ZNF385D: variants seen among roughly 807,000 people sequenced by gnomAD.
ZNF385D encodes the protein zinc finger protein 385D.
In ZNF385D, 15 loss-of-function variants were observed where a neutral mutation model predicts 35.8. The observed-to-expected ratio is 0.42, with a 90% confidence interval of 0.28 to 0.64. The LOEUF is 0.64. Ranked by LOEUF, ZNF385D falls within the 30% of genes least tolerant of loss-of-function variation. The probability of loss-of-function intolerance (pLI) is 0.23; values close to 1 mark genes in which losing one functional copy is unlikely to be tolerated. For synonymous variants in ZNF385D, 212 were observed against 186.8 expected (o/e 1.13, Z -1.10); for missense variants, 474 against 494.6 (o/e 0.96, Z 0.39).
chr3:22,313,436 T>A (rs887159405), intron 2 of ZNF385D, among the ~76,000 whole-genome samples: 3 of 152,040 alleles, frequency 2.0e-5, no homozygotes, highest in South Asian at 2.1e-4. Flanking sequence ...ATAACATTTT[T>A]AAAAAAATAC....
chr3:22,141,061 TAA>T (rs913766359), intron 3 of ZNF385D, among the ~76,000 whole-genome samples: 2 of 152,210 alleles, frequency 1.3e-5, no homozygotes, highest in African/African-American at 4.8e-5. Context: ...TCTCAGAGAT[TAA>T]GAGATTTACT....
chr3:21,794,753 C>A (rs374178511), intron 3 of ZNF385D, among the ~76,000 whole-genome samples: 2 of 152,088 alleles, frequency 1.3e-5, no homozygotes, highest in East Asian at 3.9e-4. Flanking sequence ...GCTTACACAC[C>A]AGGAGTGTAA....
At chr3:21,845,089 A>G (rs146947221) in intron 3 of ZNF385D, among the ~76,000 whole-genome samples, 19 of 152,112 alleles carry the variant, frequency 1.2e-4, no homozygotes, top group African/African-American at 4.6e-4. Flanking sequence ...CGACATTTTT[A>G]TTCAAGAGAA....
intron 3 of ZNF385D, among the ~76,000 whole-genome samples, chr3:21,946,142 C>A (rs1364756735): frequency 6.6e-6 from 1 of 152,146 alleles, no homozygotes; most frequent in South Asian, 2.1e-4. Context: ...AAATTAGGAT[C>A]TTCTCTTTTG....
chr3:21,810,529 A>T (rs1390500094), intron 3 of ZNF385D, among the ~76,000 whole-genome samples: 4 of 152,186 alleles, frequency 2.6e-5, no homozygotes, highest in East Asian at 1.9e-4. Flanking sequence ...TAATAAAAAA[A>T]CTATATATGT....
At chr3:22,215,469 T>C (rs771706181) in intron 2 of ZNF385D, among the ~76,000 whole-genome samples, 3 of 152,006 alleles carry the variant, frequency 2.0e-5, no homozygotes, top group Non-Finnish European at 2.9e-5. Context: ...CCGTCTTTTA[T>C]GGTCGAGCTG....
intron 4 of ZNF385D, among the ~76,000 whole-genome samples, chr3:21,466,320 C>T (rs1244928469): frequency 6.6e-6 from 1 of 152,192 alleles, no homozygotes; most frequent in Non-Finnish European, 1.5e-5. Flanking sequence ...CATACATCCA[C>T]TTTGCTCTAG....
chr3:22,146,415 G>T (rs573918945), intron 3 of ZNF385D, among the ~76,000 whole-genome samples: 4 of 152,176 alleles, frequency 2.6e-5, no homozygotes, highest in African/African-American at 9.6e-5. Context: ...GAATTTTTTT[G>T]TATGTTTTTG....
intron 3 of ZNF385D, among the ~76,000 whole-genome samples, chr3:21,901,457 G>A (rs553202216): frequency 2.0e-5 from 3 of 152,202 alleles, no homozygotes; most frequent in South Asian, 4.1e-4. Context: ...ATACACATTA[G>A]GCAATAATGT....
intron 3 of ZNF385D, among the ~76,000 whole-genome samples, chr3:21,837,723 T>C (rs1375486337): frequency 6.6e-6 from 1 of 151,864 alleles, no homozygotes; most frequent in Non-Finnish European, 1.5e-5. Context: ...AATATAAAAA[T>C]TAGCTGGGTG....
chr3:22,305,601 T>C (rs1428740840), intron 2 of ZNF385D, among the ~76,000 whole-genome samples: 1 of 152,122 alleles, frequency 6.6e-6, no homozygotes, highest in Non-Finnish European at 1.5e-5. Context: ...AAGAGTATGG[T>C]GAATGACCAC....
At chr3:22,129,805 A>G (rs6797769) in intron 3 of ZNF385D, among the ~76,000 whole-genome samples, 2 of 151,950 alleles carry the variant, frequency 1.3e-5, no homozygotes, top group East Asian at 2.0e-4. Context: ...TAGGAGTCTG[A>G]GTGGTGCTTT....
intron 3 of ZNF385D, among the ~76,000 whole-genome samples, chr3:22,010,200 A>C (rs1696483780): frequency 6.6e-6 from 1 of 152,218 alleles, no homozygotes; most frequent in Admixed American, 6.5e-5. Flanking sequence ...TTGGATGACG[A>C]AACAGGATGA....
At chr3:21,776,402 G>C (rs1330281498) in intron 3 of ZNF385D, among the ~76,000 whole-genome samples, 1 of 151,864 alleles carries the variant, frequency 6.6e-6, no homozygotes, top group Non-Finnish European at 1.5e-5. Context: ...CGTGTGTGAC[G>C]GCTCAGTTTT....
intron 3 of ZNF385D, among the ~76,000 whole-genome samples, chr3:22,015,655 T>C (rs761846461): frequency 3.9e-5 from 6 of 152,160 alleles, no homozygotes; most frequent in Non-Finnish European, 7.4e-5. Flanking sequence ...TGTTTGTTTC[T>C]AACAACAATG....
At chr3:21,789,757 T>A (rs185284060) in intron 3 of ZNF385D, among the ~76,000 whole-genome samples, 1 of 152,132 alleles carries the variant, frequency 6.6e-6, no homozygotes, top group South Asian at 2.1e-4. Flanking sequence ...TAAACAAAGA[T>A]GTAAAATGCT....
chr3:22,296,172 G>C (rs1324572257), intron 2 of ZNF385D, among the ~76,000 whole-genome samples: 1 of 152,118 alleles, frequency 6.6e-6, no homozygotes, highest in Non-Finnish European at 1.5e-5. Context: ...TCTGTTTCAA[G>C]TTATCTATTG....
chr3:21,752,175 G>A (rs2070134614), upstream of ZNF385D, among the ~76,000 whole-genome samples: 1 of 152,096 alleles, frequency 6.6e-6, no homozygotes, highest in Admixed American at 6.5e-5. Flanking sequence ...CCTGAAAGCT[G>A]TGCTGATTAA....
intron 3 of ZNF385D, among the ~76,000 whole-genome samples, chr3:21,763,721 C>G (rs181053113): frequency 2.0e-5 from 3 of 152,264 alleles, no homozygotes; most frequent in East Asian, 3.9e-4. Context: ...TTGGAAAAAT[C>G]TGTGATGCTG....
Sources: allele counts gnomAD v4.1 joint callset (sites outside exome capture counted in the v4.1 genomes callset), GRCh38; gene constraint gnomAD v4.1.1; transcripts MANE v1.5; gene names NCBI Gene and HGNC (gene_info 2026-07-23, HGNC 2026-07-21).